The following ATAD1 variants were observed in gnomAD, a reference collection of about 807,000 sequenced individuals.
The protein encoded by ATAD1 is outer mitochondrial transmembrane helix translocase.
Under a neutral mutation model 42.7 loss-of-function variants are expected in ATAD1, and 18 were observed. The observed-to-expected ratio is 0.42, with a 90% CI of 0.29 to 0.63. The LOEUF is 0.63. Ranked by LOEUF, ATAD1 falls within the 20% of genes least tolerant of loss-of-function variation. The pLI is 0.19. For synonymous variants in ATAD1, 132 were observed against 143.1 expected (o/e 0.92, Z 0.55); for missense variants, 294 against 440.4 (o/e 0.67, Z 2.98).
intron 1 of ATAD1, among the ~76,000 whole-genome samples, chr10:87,829,480 T>G (rs866540777): frequency 2.6e-5 from 4 of 152,196 alleles, no homozygotes; most frequent in Middle Eastern, 3.4e-3. Context: ...GGTCTTGATC[T>G]CCTGACCTCA....
intron 5 of ATAD1, 100 bp from the exon 6 acceptor site, chr10:87,776,527 G>A: frequency 1.1e-6 from 1 of 903,888 alleles, no homozygotes; most frequent in South Asian, 1.5e-5. Context: ...GGGGTGCAAT[G>A]GCGCAATTAC....
chr10:87,827,405 C>T (rs902311504), intron 1 of ATAD1, among the ~76,000 whole-genome samples: 1 of 152,084 alleles, frequency 6.6e-6, no homozygotes, highest in Non-Finnish European at 1.5e-5. Flanking sequence ...TTGTGCTTTG[C>T]AGATATTATG....
intron 5 of ATAD1, among the ~76,000 whole-genome samples, chr10:87,777,428 C>T (rs981776104): frequency 1.3e-5 from 2 of 151,976 alleles, no homozygotes; most frequent in Admixed American, 6.6e-5. Flanking sequence ...ATGCTAATTA[C>T]GTTGTATTAT....
At chr10:87,803,925 C>T (rs1400913734) in intron 2 of ATAD1, among the ~76,000 whole-genome samples, 5 of 152,180 alleles carry the variant, frequency 3.3e-5, no homozygotes, top group African/African-American at 1.2e-4. Context: ...CTAGGCAATA[C>T]TAACTGCTTG....
chr10:87,755,555 A>G (rs999678861), intron 9 of ATAD1, among the ~76,000 whole-genome samples: 1 of 152,092 alleles, frequency 6.6e-6, no homozygotes, highest in Non-Finnish European at 1.5e-5. Flanking sequence ...TATTAGTGTA[A>G]TTTACCTAAG....
At chr10:87,790,531 CATAA>C in intron 3 of ATAD1, 101 bp from the exon 4 acceptor site, 1 of 1,209,238 alleles carries the variant, frequency 8.3e-7, no homozygotes, top group East Asian at 2.8e-5. Flanking sequence ...GATGATTATA[CATAA>C]ATAAGTTAAA....
At chr10:87,795,827 T>C (rs200884010) in intron 2 of ATAD1, among the ~76,000 whole-genome samples, 2 of 152,292 alleles carry the variant, frequency 1.3e-5, no homozygotes, top group East Asian at 3.9e-4. Context: ...TAAAGATTCA[T>C]AAAATTGTCC....
Position 87,826,078 on chromosome 10 carries a change from A to G in ATAD1, c.-13-11466T>C, listed in dbSNP as rs149633327. Among the ~76,000 whole-genome samples the G allele has an allele frequency of 9.3e-3, 1,422 of 152,268 alleles. 25 individuals are homozygous for G. The highest frequency in any genetic ancestry group is 0.032 in the African/African-American group (1,337 of 41,544). Reference sequence around the variant, plus strand: ...CTTTCACCTAGAGGGGCCCAGCAGCAGTTCACTGGCAAGCTGATGTTAAAA... The same window carrying G: ...CTTTCACCTAGAGGGGCCCAGCAGCGGTTCACTGGCAAGCTGATGTTAAAA... On this transcript the variant is annotated intron_variant, in intron 1 of 4. Transcript: ENST00000495903.
intron 2 of ATAD1, among the ~76,000 whole-genome samples, chr10:87,813,943 A>G (rs1290915081): frequency 6.6e-6 from 1 of 152,128 alleles, no homozygotes; most frequent in African/African-American, 2.4e-5. Flanking sequence ...AAATGAACAC[A>G]AGAGGCAGCA....
intron 2 of ATAD1, among the ~76,000 whole-genome samples, chr10:87,793,489 GAT>G (rs2131944617): frequency 6.6e-6 from 1 of 152,298 alleles, no homozygotes; most frequent in Non-Finnish European, 1.5e-5. Flanking sequence ...AATACTATGA[GAT>G]AGTCATAATA....
chr10:87,824,865 T>C (rs1304000685), intron 1 of ATAD1, among the ~76,000 whole-genome samples: 1 of 152,226 alleles, frequency 6.6e-6, no homozygotes, highest in African/African-American at 2.4e-5. Context: ...TACTGATCAG[T>C]AGTCTATAAA....
At chr10:87,775,181 G>A (rs1018641775) in intron 6 of ATAD1, among the ~76,000 whole-genome samples, 1 of 151,960 alleles carries the variant, frequency 6.6e-6, no homozygotes, top group African/African-American at 2.4e-5. Flanking sequence ...AGCACTTCAG[G>A]AGGGTGAGGT....
chr10:87,808,376 G>T (rs1464360287), intron 2 of ATAD1, among the ~76,000 whole-genome samples: 1 of 151,186 alleles, frequency 6.6e-6, no homozygotes, highest in Non-Finnish European at 1.5e-5. Context: ...AAGACAACAG[G>T]CTTGCTCCTA....
intron 1 of ATAD1, among the ~76,000 whole-genome samples, chr10:87,825,598 C>T (rs1216369200): frequency 1.3e-5 from 2 of 152,168 alleles, no homozygotes; most frequent in Non-Finnish European, 2.9e-5. Context: ...CATGAGCCAC[C>T]GTGCCCAGCC....
chr10:87,793,709 A>T (rs1291365602), intron 2 of ATAD1, among the ~76,000 whole-genome samples: 1 of 152,218 alleles, frequency 6.6e-6, no homozygotes, highest in African/African-American at 2.4e-5. Context: ...AAATCTATAC[A>T]TAACAAATTC....
chr10:87,817,158 T>C (rs1857454723), intron 1 of ATAD1, among the ~76,000 whole-genome samples: 1 of 152,242 alleles, frequency 6.6e-6, no homozygotes, highest in African/African-American at 2.4e-5. Flanking sequence ...ACTTGTTTTG[T>C]AGACTGTAAC....
chr10:87,811,662 T>C (rs1857191072), intron 2 of ATAD1, among the ~76,000 whole-genome samples: 1 of 152,178 alleles, frequency 6.6e-6, no homozygotes, highest in Admixed American at 6.5e-5. Context: ...TGGGGAATAA[T>C]TTGGGAAAAG....
chr10:87,770,909 G>A (rs772980658), intron 7 of ATAD1, 43 bp downstream of exon 7: 14 of 1,534,224 alleles, frequency 9.1e-6, no homozygotes, highest in Non-Finnish European at 1.2e-5. Context: ...CCTATAAAAA[G>A]GTGAGTATTT....
intron 2 of ATAD1, among the ~76,000 whole-genome samples, chr10:87,813,416 TATC>T (rs1308478390): frequency 1.3e-5 from 2 of 151,678 alleles, no homozygotes; most frequent in African/African-American, 4.8e-5. Context: ...AGGCTGATAA[TATC>T]ATCTAGAACT....
Sources: gnomAD v4.1 joint callset for allele counts (sites outside exome capture counted in the v4.1 genomes callset) on GRCh38, gnomAD v4.1.1 for gene constraint, MANE v1.5 for transcripts, NCBI Gene and HGNC (gene_info 2026-07-23, HGNC 2026-07-21) for gene names.